The following ST8SIA4 variants were observed in gnomAD, a reference collection of about 807,000 sequenced individuals.
The protein encoded by ST8SIA4 is CMP-N-acetylneuraminate-poly-alpha-2,8-sialyltransferase.
ST8SIA4 carries 15 observed loss-of-function variants against 33.9 expected under a neutral mutation model. The observed-to-expected ratio is 0.44, with a 90% CI of 0.30 to 0.68. ST8SIA4 has a LOEUF of 0.68. Ranked by LOEUF, ST8SIA4 falls within the 30% of genes least tolerant of loss-of-function variation. ST8SIA4 has a pLI of 0.10. For missense variants in ST8SIA4, 321 were observed against 428.0 expected (o/e 0.75, Z 2.21); for synonymous variants, 171 against 151.2 (o/e 1.13, Z -0.96).
intron 2 of ST8SIA4, among the ~76,000 whole-genome samples, chr5:100,894,651 T>C (rs1269465461): frequency 1.3e-5 from 2 of 152,098 alleles, no homozygotes. Flanking sequence ...TCCAAAACAT[T>C]GTGTGAAATT....
intron 4 of ST8SIA4, among the ~76,000 whole-genome samples, chr5:100,833,321 G>T (rs1201346175): frequency 6.6e-6 from 1 of 151,938 alleles, no homozygotes; most frequent in Non-Finnish European, 1.5e-5. Context: ...GACACACAGG[G>T]TTTTTGTATT....
chr5:100,886,303 T>C (rs766293244), intron 3 of ST8SIA4, 40 bp downstream of exon 3: 10 of 1,586,996 alleles, frequency 6.3e-6, no homozygotes, highest in Middle Eastern at 1.7e-4. Context: ...TAAAATATCT[T>C]TGAAAAACTT....
At chr5:100,865,670 T>C (rs191322102) in intron 3 of ST8SIA4, among the ~76,000 whole-genome samples, 6 of 152,288 alleles carry the variant, frequency 3.9e-5, no homozygotes, top group Admixed American at 3.9e-4. Flanking sequence ...TCTAATACTA[T>C]GTCACTATTA....
chr5:100,901,067 G>A (rs1168264764), intron 1 of ST8SIA4, among the ~76,000 whole-genome samples: 5 of 152,374 alleles, frequency 3.3e-5, no homozygotes, highest in Admixed American at 2.0e-4. Flanking sequence ...GCCTAGGGCT[G>A]CGCCCACCAG....
At chr5:100,830,799 A>G (rs1186137132) in intron 4 of ST8SIA4, among the ~76,000 whole-genome samples, 1 of 152,238 alleles carries the variant, frequency 6.6e-6, no homozygotes, top group Non-Finnish European at 1.5e-5. Flanking sequence ...CAAGAAATAT[A>G]TGTGTGTAAG....
intron 3 of ST8SIA4, among the ~76,000 whole-genome samples, chr5:100,859,643 A>C (rs1161948308): frequency 6.6e-6 from 1 of 152,112 alleles, no homozygotes; most frequent in African/African-American, 2.4e-5. Flanking sequence ...ATGATTTCAC[A>C]CTGCATATGA....
chr5:100,808,500 T>C lies in ST8SIA4; in HGVS notation c.*3347A>G, dbSNP rs1219958289. 3 of 152,606 alleles carry C rather than the reference T, an allele frequency of 2.0e-5. No homozygotes were observed. Among genetic ancestry groups the C allele is most frequent in the South Asian group, 2.1e-4 (1 of 4,836 alleles). The allele number at this position is 152,606 out of a possible 1,614,324, so 9.5% of individuals were successfully genotyped here. The stretch of plus-strand genomic sequence containing the variant: ...AATAATGATGAAAATGTTTCCATGG[T>C]CTATTCATGTCAACAGCACAATAAC... On this transcript the variant is annotated 3_prime_UTR_variant, in exon 5 of 5. Transcript: ENST00000231461.
intron 3 of ST8SIA4, among the ~76,000 whole-genome samples, chr5:100,878,800 T>C (rs533678299): frequency 2.6e-5 from 4 of 152,338 alleles, no homozygotes; most frequent in Non-Finnish European, 5.9e-5. Flanking sequence ...TTTCTGTAGA[T>C]ATTGTTTCTA....
intron 4 of ST8SIA4, among the ~76,000 whole-genome samples, chr5:100,826,156 T>C (rs1356574946): frequency 2.0e-5 from 3 of 152,092 alleles, no homozygotes; most frequent in Non-Finnish European, 2.9e-5. Context: ...TGTGGTTCTA[T>C]AGAATAAAGA....
chr5:100,891,557 A>G (rs1752666146), intron 2 of ST8SIA4, among the ~76,000 whole-genome samples: 1 of 152,084 alleles, frequency 6.6e-6, no homozygotes, highest in Admixed American at 6.6e-5. Flanking sequence ...TAAACACAAC[A>G]AATGAAAAGG....
chr5:100,821,899 C>G lies in ST8SIA4; in HGVS notation c.798-9770G>C, dbSNP rs573021248. On this transcript the variant is annotated intron_variant, in intron 4 of 4. Transcript: ENST00000231461. The stretch of plus-strand genomic sequence containing the variant: ...CTGCCCATTTAGACAATTGCCTTGT[C>G]CCTGGCATAAATTGAACACTCAGAC... Among the ~76,000 whole-genome samples the G allele has an allele frequency of 3.3e-5, 5 of 152,296 alleles. No individual in the cohort carries two copies. In the East Asian group the frequency reaches 5.8e-4, roughly 18 times the overall value.
intron 3 of ST8SIA4, among the ~76,000 whole-genome samples, chr5:100,862,000 T>C (rs1452806462): frequency 6.6e-6 from 1 of 152,208 alleles, no homozygotes; most frequent in East Asian, 1.9e-4. Flanking sequence ...ATAATAAATC[T>C]TTTGAAATGC....
intron 4 of ST8SIA4, chr5:100,849,144 G>A: frequency 8.1e-6 from 8 of 981,666 alleles, no homozygotes; most frequent in Non-Finnish European, 9.7e-6. Context: ...CATTCCTGAG[G>A]ATGTTTAATT....
chr5:100,834,508 T>C (rs1340708796), intron 4 of ST8SIA4, among the ~76,000 whole-genome samples: 1 of 152,164 alleles, frequency 6.6e-6, no homozygotes, highest in Non-Finnish European at 1.5e-5. Flanking sequence ...GTTTCTCTTA[T>C]TGTTTATTAC....
At position 100,871,253 on chromosome 5, in the gene ST8SIA4, T is replaced by C. The variant is rs1752192591; in HGVS notation, c.504-14857A>G. 2.0e-5 allele frequency among the ~76,000 whole-genome samples: 3 copies of C among 152,100 alleles called. No individual in the cohort carries two copies. In the South Asian group the frequency reaches 6.2e-4, roughly 31 times the overall value. On this transcript the variant is annotated intron_variant, in intron 3 of 4. Coordinates refer to ENST00000231461, the MANE Select transcript of ST8SIA4 (RefSeq NM_005668.6). ...AAGGTGATTTAAAGCTTTCTGTAAA[T>C]TATCTACCAGTGGAGAATAAAAAAT...
At chr5:100,885,136 C>T (rs1374568878) in intron 3 of ST8SIA4, among the ~76,000 whole-genome samples, 2 of 151,966 alleles carry the variant, frequency 1.3e-5, no homozygotes, top group Non-Finnish European at 2.9e-5. Flanking sequence ...CTTCCATTGC[C>T]ATTCCCTCAT....
At chr5:100,848,921 T>C in intron 4 of ST8SIA4, 1 of 160,634 alleles carries the variant, frequency 6.2e-6, no homozygotes, top group Non-Finnish European at 1.3e-5. Context: ...ATATTTCTTA[T>C]ATATTTCAAA....
In ST8SIA4 at chr5:100,834,948, C is replaced by T. The variant is rs567358121; in HGVS notation, c.797+21155G>A. 1.3e-4 allele frequency among the ~76,000 whole-genome samples: 20 copies of T among 152,184 alleles called. No homozygotes were observed. In the South Asian group the frequency reaches 3.3e-3, roughly 25 times the overall value. ...AGCCTCAGTTATCTCTTTATAGCAA[C>T]ATAAAAATGGCCTAACACATCCGGC... On this transcript the variant is annotated intron_variant, in intron 4 of 4. Coordinates refer to ENST00000231461, the MANE Select transcript of ST8SIA4 (RefSeq NM_005668.6).
chr5:100,901,422 G>T (rs1160632139), intron 1 of ST8SIA4, among the ~76,000 whole-genome samples: 2 of 152,094 alleles, frequency 1.3e-5, no homozygotes, highest in African/African-American at 4.8e-5. Flanking sequence ...AGCCCCATGC[G>T]CCCATTCATC....
Sources: gnomAD v4.1 joint callset for allele counts (sites outside exome capture counted in the v4.1 genomes callset) on GRCh38, gnomAD v4.1.1 for gene constraint, MANE v1.5 for transcripts, NCBI Gene and HGNC (gene_info 2026-07-23, HGNC 2026-07-21) for gene names.